Variants in RASA2 observed in about 807,000 individuals in gnomAD.
RASA2 encodes RAS p21 protein activator 2.
Under a neutral mutation model 118.2 loss-of-function variants are expected in RASA2, and 155 were observed. That is an observed-to-expected ratio of 1.31 (90% confidence interval 1.15 to 1.50). The LOEUF is 1.50. RASA2 is among the 40% of genes most tolerant of loss of function. RASA2 has a pLI of 0.00. For missense variants in RASA2, 1,016 were observed against 1,009.6 expected, an observed-to-expected ratio of 1.01 and a Z score of -0.09; for synonymous variants, 353 against 349.1, an observed-to-expected ratio of 1.01 and a Z score of -0.12.
chr3:141,561,633 C>T (rs1363311257), intron 9 of RASA2, among the ~76,000 whole-genome samples: 1 of 152,172 alleles, frequency 6.6e-6, no homozygotes, highest in African/African-American at 2.4e-5. Flanking sequence ...ATAGCATCCC[C>T]TTGTGGGGTT....
At chr3:141,519,882 G>T (rs2082084940) in intron 3 of RASA2, among the ~76,000 whole-genome samples, 1 of 152,004 alleles carries the variant, frequency 6.6e-6, no homozygotes, top group South Asian at 2.1e-4. Context: ...ATATATTAGG[G>T]TCTGTGCTGG....
rs1367216460 is a variant in RASA2 at position 141,548,228 on chromosome 3, T to G, written c.528-5629T>G. Among the ~76,000 whole-genome samples the G allele has an allele frequency of 2.6e-5, 4 of 152,120 alleles. No homozygotes were observed. In the East Asian group the frequency reaches 7.7e-4, roughly 29 times the overall value. On this transcript the variant is annotated intron_variant, in intron 5 of 23. Coordinates refer to ENST00000286364, the MANE Select transcript of RASA2 (RefSeq NM_006506.5). ...GAATTTGGAAGTGTTCCCCTCTCTA[T>G]TTTTTGGACTAGCTGAGTAGGATTG...
chr3:141,496,776 A>G (rs2081708632), intron 1 of RASA2, among the ~76,000 whole-genome samples: 1 of 152,180 alleles, frequency 6.6e-6, no homozygotes, highest in Non-Finnish European at 1.5e-5. Context: ...AGGGATCTAG[A>G]ACTAGAAATA....
chr3:141,511,284 A>G (rs2081946899), intron 1 of RASA2, among the ~76,000 whole-genome samples: 1 of 152,204 alleles, frequency 6.6e-6, no homozygotes, highest in Non-Finnish European at 1.5e-5. Flanking sequence ...AAATAGTCAC[A>G]TCTAGTGTTT....
chr3:141,518,039 G>T (rs2151085587), intron 3 of RASA2, among the ~76,000 whole-genome samples: 1 of 152,264 alleles, frequency 6.6e-6, no homozygotes, highest in East Asian at 1.9e-4. Flanking sequence ...CCACATATGT[G>T]TCACATTCCT....
At chr3:141,495,432 TAAAGGATACGAA>T (rs1190909911) in intron 1 of RASA2, among the ~76,000 whole-genome samples, 1 of 151,928 alleles carries the variant, frequency 6.6e-6, no homozygotes, top group African/African-American at 2.4e-5. Context: ...ATTAGAAAAA[TAAAGGATACGAA>T]TAGGCATCTC....
chr3:141,499,010 G>A (rs974668468), intron 1 of RASA2, among the ~76,000 whole-genome samples: 4 of 152,164 alleles, frequency 2.6e-5, no homozygotes, highest in African/African-American at 7.2e-5. Context: ...GATCCTGCCC[G>A]CAACTTGGTG....
chr3:141,509,375 G>A (rs1283905359), intron 1 of RASA2, among the ~76,000 whole-genome samples: 1 of 152,176 alleles, frequency 6.6e-6, no homozygotes, highest in East Asian at 1.9e-4. Flanking sequence ...AAGAGGGAGA[G>A]GGAAGTAGAA....
intron 1 of RASA2, among the ~76,000 whole-genome samples, chr3:141,488,713 A>G (rs201915797): frequency 6.6e-6 from 1 of 152,098 alleles, no homozygotes; most frequent in East Asian, 1.9e-4. Context: ...CTGTAACCTT[A>G]TATTTGAGGG....
chr3:141,585,252 G>C (rs2083182058), intron 17 of RASA2, among the ~76,000 whole-genome samples: 1 of 152,078 alleles, frequency 6.6e-6, no homozygotes, highest in Non-Finnish European at 1.5e-5. Flanking sequence ...GCCTAGGGTA[G>C]CACCCCACAA....
intron 19 of RASA2, among the ~76,000 whole-genome samples, chr3:141,601,135 T>C (rs77836945): frequency 0.036 from 5,443 of 152,138 alleles, 344 homozygotes; most frequent in African/African-American, 0.12. Context: ...AAATTTAATT[T>C]AAGATGATGG....
intron 3 of RASA2, among the ~76,000 whole-genome samples, chr3:141,518,482 CAAAAAAAAAAAAAAA>C (rs777543417): frequency 1.3e-3 from 35 of 27,032 alleles, no homozygotes; most frequent in South Asian, 3.0e-3. Flanking sequence ...GACACCATCT[CAAAAAAAAAAAAAAA>C]AAAAAAAAAA....
intron 20 of RASA2, among the ~76,000 whole-genome samples, chr3:141,608,045 A>G (rs2083575606): frequency 6.6e-6 from 1 of 152,160 alleles, no homozygotes; most frequent in Admixed American, 6.5e-5. Context: ...TTTCCCTGTT[A>G]TACTGCTGTA....
intron 3 of RASA2, among the ~76,000 whole-genome samples, chr3:141,518,933 A>C (rs888046622): frequency 1.3e-5 from 2 of 152,200 alleles, no homozygotes; most frequent in African/African-American, 4.8e-5. Flanking sequence ...TATTTGTTAC[A>C]TAATATCCTT....
chr3:141,568,684 C>T (rs2082864045), intron 9 of RASA2, among the ~76,000 whole-genome samples: 2 of 152,054 alleles, frequency 1.3e-5, no homozygotes, highest in Non-Finnish European at 2.9e-5. Context: ...GCACTCCACA[C>T]AGATTCTTTC....
At position 141,522,087 on chromosome 3, in the gene RASA2, T is replaced by G. The variant is rs534904049; in HGVS notation, c.355+5656T>G. Among the ~76,000 whole-genome samples, 183 of 152,114 alleles carry G rather than the reference T, an allele frequency of 1.2e-3. 1 individual carries two copies. Among genetic ancestry groups the G allele is most frequent in the Non-Finnish European group, 8.8e-5 (6 of 67,974 alleles). ...GTTGAGCATAGATAGATTTTAGGGG[T>G]TTTTTATTTTTAATTACATGAGTAA... is the stretch of plus-strand genomic sequence containing the variant. On this transcript the variant is annotated intron_variant, in intron 3 of 23. Coordinates refer to ENST00000286364, the MANE Select transcript of RASA2 (RefSeq NM_006506.5).
chr3:141,547,732 T>G (rs767800272), intron 5 of RASA2, among the ~76,000 whole-genome samples: 23 of 152,306 alleles, frequency 1.5e-4, no homozygotes, highest in Admixed American at 3.9e-4. Flanking sequence ...TGAATAACAG[T>G]GGTGAAAGTG....
Position 141,580,083 on chromosome 3 carries a change from AAAATATAT to A in RASA2, c.1591-283_1591-276del, listed in dbSNP as rs1415289779. 5.5e-4 allele frequency among the ~76,000 whole-genome samples: 45 copies of A among 82,530 alleles called. 2 individuals are homozygous for A. Among genetic ancestry groups the A allele is most frequent in the African/African-American group, 2.2e-3 (43 of 19,734 alleles). The allele number at this position is 82,530 out of a possible 152,430, so 54.1% of individuals were successfully genotyped here. On this transcript the variant is annotated intron_variant, in intron 15 of 23. Transcript: ENST00000286364. ...GAAAAAAAAAAGAAAAAAAAAAAAA[AAAATATAT>A]ATATATATATATATATATATATATA...
At chr3:141,595,819 A>G (rs1022268620) in intron 19 of RASA2, among the ~76,000 whole-genome samples, 5 of 151,822 alleles carry the variant, frequency 3.3e-5, no homozygotes, top group South Asian at 2.1e-4. Flanking sequence ...TGTAGCTGCA[A>G]GGTCTCACTT....
Sources: allele counts gnomAD v4.1 joint callset (sites outside exome capture counted in the v4.1 genomes callset), GRCh38; gene constraint gnomAD v4.1.1; transcripts MANE v1.5; gene names NCBI Gene and HGNC (gene_info 2026-07-23, HGNC 2026-07-21).